Variants in DGKB observed in about 807,000 individuals in gnomAD.
The protein encoded by DGKB is 90 kDa diacylglycerol kinase.
DGKB carries 67 observed loss-of-function variants against 114.3 expected under a neutral mutation model. The ratio of observed to expected loss-of-function variants is 0.59; its 90% CI spans 0.48 to 0.72. The LOEUF (loss-of-function observed/expected upper bound fraction) is 0.72. DGKB is among the 30% of genes least tolerant of loss of function. DGKB has a pLI of 0.00. For missense variants in DGKB, 907 were observed against 975.2 expected, an observed-to-expected ratio of 0.93 and a Z score of 0.93; for synonymous variants, 398 against 323.1, an observed-to-expected ratio of 1.23 and a Z score of -2.49.
chr7:14,618,416 T>A (rs1395383640), intron 15 of DGKB, among the ~76,000 whole-genome samples: 2 of 151,656 alleles, frequency 1.3e-5, no homozygotes, highest in African/African-American at 4.8e-5. Flanking sequence ...TAAATGACCC[T>A]TTTATTTGGA....
chr7:14,824,248 G>A (rs771147573), intron 2 of DGKB, among the ~76,000 whole-genome samples: 8 of 152,038 alleles, frequency 5.3e-5, no homozygotes, highest in Non-Finnish European at 8.8e-5. Flanking sequence ...AAACCATATC[G>A]CTGCATAACC....
At chr7:14,767,509 TTAAGC>T (rs1836646143) in intron 2 of DGKB, among the ~76,000 whole-genome samples, 1 of 151,948 alleles carries the variant, frequency 6.6e-6, no homozygotes, top group South Asian at 2.1e-4. Flanking sequence ...GCCATCAGGC[TTAAGC>T]TAAGCTCCGG....
In DGKB at chr7:14,555,465, AC is replaced by A. The variant is rs144976927; in HGVS notation, c.1770+18746del. ...ATTGAATCAAAAACAATCCCCAGTG[AC>A]CCTATCAGAATTCTCAGAATCAAGG... On this transcript the variant is annotated intron_variant, in intron 20 of 25. Transcript: ENST00000402815. Among the ~76,000 whole-genome samples the A allele has an allele frequency of 5.3e-3, 803 of 152,268 alleles. 12 individuals are homozygous for A. The highest frequency in any genetic ancestry group is 0.019 in the African/African-American group (769 of 41,550).
intron 23 of DGKB, among the ~76,000 whole-genome samples, chr7:14,246,674 C>T (rs942487944): frequency 4.6e-5 from 7 of 152,004 alleles, no homozygotes; most frequent in African/African-American, 7.2e-5. Flanking sequence ...TATTTATCAC[C>T]CCTCCAGCTT....
chr7:14,204,866 G>A (rs1369876803), intron 23 of DGKB, among the ~76,000 whole-genome samples: 1 of 151,990 alleles, frequency 6.6e-6, no homozygotes, highest in Non-Finnish European at 1.5e-5. Flanking sequence ...TTATTTTCTA[G>A]CAATTCTTTG....
intron 20 of DGKB, among the ~76,000 whole-genome samples, chr7:14,478,572 G>T (rs976049609): frequency 6.6e-6 from 1 of 152,086 alleles, no homozygotes; most frequent in African/African-American, 2.4e-5. Context: ...ATGTCAAATA[G>T]TAATGGAAAA....
intron 21 of DGKB, among the ~76,000 whole-genome samples, chr7:14,438,891 C>T (rs1342678379): frequency 6.6e-6 from 1 of 151,708 alleles, no homozygotes; most frequent in Non-Finnish European, 1.5e-5. Context: ...ATGTAGTGAC[C>T]TGAATATACT....
At chr7:14,362,102 T>C (rs1025372626) in intron 21 of DGKB, among the ~76,000 whole-genome samples, 26 of 151,954 alleles carry the variant, frequency 1.7e-4, no homozygotes, top group Admixed American at 6.6e-4. Flanking sequence ...TTACAGAGAT[T>C]AGGGAAAATA....
At chr7:14,809,104 A>G (rs541892244) in intron 2 of DGKB, among the ~76,000 whole-genome samples, 11 of 152,290 alleles carry the variant, frequency 7.2e-5, no homozygotes, top group African/African-American at 2.6e-4. Flanking sequence ...TATTATCTTT[A>G]CAGCTACTGC....
chr7:14,956,852 CAA>C (rs1245355557), intron 1 of DGKB, among the ~76,000 whole-genome samples: 1 of 148,240 alleles, frequency 6.7e-6, no homozygotes, highest in Non-Finnish European at 1.5e-5. Context: ...AAAGTCGTTT[CAA>C]TTTTTTTTTT....
intron 2 of DGKB, among the ~76,000 whole-genome samples, chr7:14,774,240 C>T (rs925716285): frequency 4.6e-5 from 7 of 152,110 alleles, no homozygotes; most frequent in African/African-American, 9.7e-5. Context: ...AAGTTACAGT[C>T]GATTTGGAGA....
chr7:14,184,859 T>C (rs1380631643), intron 23 of DGKB, among the ~76,000 whole-genome samples: 1 of 152,162 alleles, frequency 6.6e-6, no homozygotes, highest in Non-Finnish European at 1.5e-5. Flanking sequence ...AAAATCGGTA[T>C]GCAAGGGACA....
intron 1 of DGKB, among the ~76,000 whole-genome samples, chr7:14,957,616 A>C (rs1345061589): frequency 6.6e-6 from 1 of 152,046 alleles, no homozygotes; most frequent in Non-Finnish European, 1.5e-5. Context: ...ACATATTGCC[A>C]TTTATATACT....
At chr7:14,509,692 T>C (rs1158630983) in intron 20 of DGKB, among the ~76,000 whole-genome samples, 2 of 152,186 alleles carry the variant, frequency 1.3e-5, no homozygotes, top group Non-Finnish European at 2.9e-5. Context: ...CCGAGAGCTC[T>C]GGGCCGTGAG....
chr7:14,968,062 G>A (rs966500565), intron 1 of DGKB, among the ~76,000 whole-genome samples: 3 of 152,036 alleles, frequency 2.0e-5, no homozygotes, highest in African/African-American at 7.2e-5. Flanking sequence ...AAATACCTTT[G>A]TCCATTTCTC....
At chr7:14,952,661 C>A (rs1399543906) in intron 1 of DGKB, among the ~76,000 whole-genome samples, 2 of 151,838 alleles carry the variant, frequency 1.3e-5, no homozygotes, top group Non-Finnish European at 1.5e-5. Flanking sequence ...GAGGCTGAGA[C>A]ACAAAAATTG....
At chr7:14,485,549 A>G (rs1783672976) in intron 20 of DGKB, among the ~76,000 whole-genome samples, 1 of 152,100 alleles carries the variant, frequency 6.6e-6, no homozygotes, top group African/African-American at 2.4e-5. Flanking sequence ...GCAAATCCCT[A>G]GAGTAGGATA....
chr7:14,394,377 C>A (rs1039211058), intron 21 of DGKB, among the ~76,000 whole-genome samples: 5 of 152,046 alleles, frequency 3.3e-5, no homozygotes, highest in Admixed American at 1.3e-4. Flanking sequence ...TATTTTAGAC[C>A]AGCTCATCCT....
At position 14,539,945 on chromosome 7, in the gene DGKB, G is replaced by T. The variant is rs140149338; in HGVS notation, c.1770+34267C>A. On this transcript the variant is annotated intron_variant, in intron 20 of 25. Transcript: ENST00000402815. Reference sequence around the variant, plus strand: ...TTGAAAAATAATTTTAATTAATCTCGTGTAGCATGAATTTTCATGTGATAT... The same window carrying T: ...TTGAAAAATAATTTTAATTAATCTCTTGTAGCATGAATTTTCATGTGATAT... Among the ~76,000 whole-genome samples, 162 of 151,762 alleles carry T rather than the reference G, an allele frequency of 1.1e-3. 1 individual carries two copies. The highest frequency in any genetic ancestry group is 3.7e-3 in the African/African-American group (155 of 41,392).
Sources: gnomAD v4.1 joint callset for allele counts (sites outside exome capture counted in the v4.1 genomes callset) on GRCh38, gnomAD v4.1.1 for gene constraint, MANE v1.5 for transcripts, NCBI Gene and HGNC (gene_info 2026-07-23, HGNC 2026-07-21) for gene names.